Variants in ZNF638 observed in about 807,000 individuals in gnomAD.
ZNF638 encodes the protein zinc finger protein 638.
ZNF638 carries 46 observed loss-of-function variants against 195.6 expected under a neutral mutation model. The observed-to-expected ratio is 0.24, with a 90% confidence interval of 0.19 to 0.30. The LOEUF (loss-of-function observed/expected upper bound fraction) is 0.30, where lower values mean the gene tolerates loss of function less well. Ranked by LOEUF, ZNF638 falls within the 10% of genes least tolerant of loss-of-function variation. The probability of loss-of-function intolerance (pLI) is 1.00; values close to 1 mark genes in which losing one functional copy is unlikely to be tolerated. For missense variants in ZNF638, 2,440 were observed against 2,325.3 expected, an observed-to-expected ratio of 1.05 and a Z score of -1.01; for synonymous variants, 845 against 772.0, an observed-to-expected ratio of 1.09 and a Z score of -1.57.
intron 25 of ZNF638, among the ~76,000 whole-genome samples, chr2:71,429,634 C>A (rs149484305): frequency 6.6e-6 from 1 of 152,136 alleles, no homozygotes; most frequent in East Asian, 1.9e-4. Context: ...TAGAGCAAAA[C>A]GTCTAGAAAG....
At chr2:71,401,834 T>C (rs1050584664) in intron 15 of ZNF638, 122 bp from the exon 16 acceptor site, 3 of 863,182 alleles carry the variant, frequency 3.5e-6, no homozygotes, top group African/African-American at 3.4e-5. Context: ...CTCTTGAGTT[T>C]ATCAGACTTT....
chr2:71,407,644 A>G (rs1225773291), intron 19 of ZNF638: 1 of 152,420 alleles, frequency 6.6e-6, no homozygotes, highest in Non-Finnish European at 1.5e-5. Context: ...ACCACCATCC[A>G]TTTGTGAACT....
chr2:71,389,783 A>G (rs1323178325), intron 10 of ZNF638, among the ~76,000 whole-genome samples: 3 of 152,200 alleles, frequency 2.0e-5, no homozygotes, highest in South Asian at 2.1e-4. Context: ...AACCCAGGCA[A>G]TTAAGAGACA....
chr2:71,404,821 CTTTTATCTCATG>C (rs1316948612), intron 17 of ZNF638, among the ~76,000 whole-genome samples: 31 of 152,162 alleles, frequency 2.0e-4, no homozygotes, highest in Non-Finnish European at 7.4e-5. Context: ...GAGTTCTCAG[CTTTTATCTCATG>C]TACACACCCT....
intron 21 of ZNF638, among the ~76,000 whole-genome samples, chr2:71,419,969 C>CCCT (rs1553486398): frequency 1.1e-5 from 1 of 89,216 alleles, no homozygotes; most frequent in Non-Finnish European, 2.2e-5. Context: ...CCCACCCCCC[C>CCCT]CCGCCTTTTT....
At chr2:71,427,513 A>G in intron 24 of ZNF638, 99 bp downstream of exon 24, 4 of 877,674 alleles carry the variant, frequency 4.6e-6, no homozygotes, top group Non-Finnish European at 6.5e-6. Flanking sequence ...AATGTCACCC[A>G]GTATTGATAT....
At chr2:71,380,067 G>A (rs1421208730) in intron 8 of ZNF638, 155 bp from the exon 9 acceptor site, 4 of 456,886 alleles carry the variant, frequency 8.8e-6, no homozygotes, top group Admixed American at 4.3e-5. Flanking sequence ...GTAAAATTAG[G>A]CTGTGTAATC....
chr2:71,427,508 C>A, intron 24 of ZNF638, 94 bp downstream of exon 24: 1 of 934,232 alleles, frequency 1.1e-6, no homozygotes, highest in Non-Finnish European at 1.5e-6. Context: ...CCAATAATGT[C>A]ACCCAGTATT....
rs188031223 is a variant in ZNF638, at chr2:71,408,198, G to A, written c.3212G>A (p.Gly1071Asp). The A allele has an allele frequency of 1.2e-6, 2 of 1,613,248 alleles. No individual in the cohort carries two copies. The highest frequency in any genetic ancestry group is 4.5e-5 in the East Asian group (2 of 44,746). ...SFLKQNPQNIGDHMLTCSLSP... is the reference protein window; with the variant it reads ...SFLKQNPQNIDDHMLTCSLSP... ...CTGAAACAAAATCCACAAAATATTG[G>A]TGACCATATGTTGACCTGCTCATTA... is the stretch of plus-strand genomic sequence containing the variant. The change falls in exon 20 of 28, where the codon GGT (glycine) becomes GAT (aspartate). Residue 1071 changes from glycine to aspartate, a missense_variant. Around this residue, in one of 5 missense-constraint regions of ZNF638, gnomAD observed 1,883 missense variants for 1,739.1 expected, o/e 1.08. Transcript: ENST00000264447.
chr2:71,381,770 A>C (rs560383633), intron 10 of ZNF638, among the ~76,000 whole-genome samples: 1 of 152,256 alleles, frequency 6.6e-6, no homozygotes, highest in South Asian at 2.1e-4. Context: ...AAAGAAACCT[A>C]TTTAGCTTTG....
rs1326473846 is a variant in ZNF638, at chr2:71,368,468, A to G, written c.2082A>G (p.Arg694=). 1 of 1,613,682 alleles carries G rather than the reference A, an allele frequency of 6.2e-7. No individual in the cohort carries two copies. ...ATGGTTGTACTGAAGAAGATGTGAG[A>G]AAATTATTTCAACCATTTGGGAAAG... ...PEDGCTEEDV[R]KLFQPFGKVN... is the part of the protein sequence containing the mutation. Residue 694 remains arginine (R), a synonymous_variant, in exon 7 of 28, where the codon AGA becomes AGG. Coordinates refer to ENST00000264447, the MANE Select transcript of ZNF638 (RefSeq NM_014497.5).
chr2:71,404,775 A>G (rs1188711228), intron 17 of ZNF638, among the ~76,000 whole-genome samples: 1 of 152,170 alleles, frequency 6.6e-6, no homozygotes, highest in Non-Finnish European at 1.5e-5. Flanking sequence ...TGTCTTTTGT[A>G]CATACACGCT....
At chr2:71,411,487 T>TA (rs1491213569) in intron 20 of ZNF638, among the ~76,000 whole-genome samples, 38 of 141,570 alleles carry the variant, frequency 2.7e-4, no homozygotes, top group Non-Finnish European at 5.1e-4. Flanking sequence ...TTTTTTTTTT[T>TA]ATTATACTCT....
At chr2:71,433,038 C>T (rs2080698594) in intron 26 of ZNF638, 127 bp from the exon 27 acceptor site, 1 of 737,614 alleles carries the variant, frequency 1.4e-6, no homozygotes. Flanking sequence ...AGTGAGCTGA[C>T]ATCGCGCCAC....
chr2:71,353,185 C>T (rs1267358999), intron 2 of ZNF638, among the ~76,000 whole-genome samples: 1 of 152,010 alleles, frequency 6.6e-6, no homozygotes, highest in Non-Finnish European at 1.5e-5. Flanking sequence ...ATGTATATTC[C>T]CCACCTTCGA....
At chr2:71,335,464 C>T (rs997348295) in intron 1 of ZNF638, among the ~76,000 whole-genome samples, 1 of 152,126 alleles carries the variant, frequency 6.6e-6, no homozygotes, top group East Asian at 1.9e-4. Context: ...TTTCCACAGT[C>T]GGTTAAACTT....
intron 27 of ZNF638, 175 bp downstream of exon 27, chr2:71,433,458 T>C (rs897135777): frequency 2.5e-5 from 14 of 549,836 alleles, no homozygotes; most frequent in Admixed American, 2.0e-4. Context: ...CTAGTCCTTA[T>C]TCCTTTTCCT....
intron 8 of ZNF638, among the ~76,000 whole-genome samples, chr2:71,378,489 A>G (rs1405502487): frequency 2.0e-5 from 3 of 152,220 alleles, no homozygotes; most frequent in Non-Finnish European, 4.4e-5. Flanking sequence ...CAATTAACAA[A>G]TACTTGCTGA....
intron 5 of ZNF638, among the ~76,000 whole-genome samples, chr2:71,364,890 G>C (rs1052947601): frequency 5.3e-5 from 8 of 152,082 alleles, no homozygotes; most frequent in Non-Finnish European, 8.8e-5. Context: ...CTAATTACAT[G>C]CCTCCATGAG....
Sources: allele counts gnomAD v4.1 joint callset (sites outside exome capture counted in the v4.1 genomes callset), GRCh38; gene constraint gnomAD v4.1.1; regional missense constraint gnomAD v4.1.1; transcripts MANE v1.5; gene names NCBI Gene and HGNC (gene_info 2026-07-23, HGNC 2026-07-21).